The following IMMP2L variants were observed in gnomAD, a reference collection of about 807,000 sequenced individuals.
IMMP2L encodes inner mitochondrial membrane peptidase subunit 2.
IMMP2L carries 18 observed loss-of-function variants against 19.3 expected under a neutral mutation model. That is an observed-to-expected ratio of 0.93 (90% confidence interval 0.64 to 1.38). The LOEUF is 1.38. Among genes scored for constraint, IMMP2L ranks in the 40% most tolerant of loss-of-function variants. The pLI, the probability that IMMP2L is intolerant of heterozygous loss-of-function variation, is 0.00. For synonymous variants in IMMP2L, 76 were observed against 73.0 expected (o/e 1.04, Z -0.21); for missense variants, 233 against 218.2 (o/e 1.07, Z -0.43).
intron 2 of IMMP2L, among the ~76,000 whole-genome samples, chr7:111,492,118 T>C (rs1393060715): frequency 1.3e-5 from 2 of 152,216 alleles, no homozygotes; most frequent in South Asian, 4.1e-4. Flanking sequence ...CAAGAGTCTA[T>C]AAGCTCTTTT....
intron 3 of IMMP2L, among the ~76,000 whole-genome samples, chr7:110,963,921 T>A (rs560724914): frequency 6.6e-6 from 1 of 151,656 alleles, no homozygotes; most frequent in African/African-American, 2.4e-5. Context: ...AAGTCTAATT[T>A]CGAATTGTAA....
At chr7:111,115,288 G>T (rs1397861533) in intron 3 of IMMP2L, among the ~76,000 whole-genome samples, 4 of 151,446 alleles carry the variant, frequency 2.6e-5, no homozygotes, top group Non-Finnish European at 3.0e-5. Flanking sequence ...AGCATCAAGA[G>T]ACAAGTTATG....
intron 3 of IMMP2L, among the ~76,000 whole-genome samples, chr7:111,112,928 A>G (rs770851837): frequency 7.2e-5 from 11 of 152,174 alleles, no homozygotes; most frequent in Non-Finnish European, 1.2e-4. Flanking sequence ...AAACTGAAGG[A>G]GCTAATTTTA....
intron 5 of IMMP2L, among the ~76,000 whole-genome samples, chr7:110,761,973 CT>C (rs2130972137): frequency 6.6e-6 from 1 of 152,284 alleles, no homozygotes; most frequent in South Asian, 2.1e-4. Flanking sequence ...ACCTCTGCCC[CT>C]GTCCCACTCC....
chr7:110,676,679 AACAGGAGGGTTTCCATAATCAC>A (rs1792321512), intron 5 of IMMP2L, among the ~76,000 whole-genome samples: 1 of 152,226 alleles, frequency 6.6e-6, no homozygotes, highest in Non-Finnish European at 1.5e-5. Flanking sequence ...AGTATTAAGT[AACAGGAGGGTTTCCATAATCAC>A]TGATGATATA....
At chr7:111,405,378 C>T (rs1023392209) in intron 3 of IMMP2L, among the ~76,000 whole-genome samples, 1 of 151,850 alleles carries the variant, frequency 6.6e-6, no homozygotes, top group Admixed American at 6.6e-5. Context: ...TAACCCCACA[C>T]ATTATAGTTT....
At chr7:111,323,910 A>G (rs1343377459) in intron 3 of IMMP2L, among the ~76,000 whole-genome samples, 1 of 152,112 alleles carries the variant, frequency 6.6e-6, no homozygotes, top group African/African-American at 2.4e-5. Flanking sequence ...CAAACACTGC[A>G]TGTTCTCACT....
At chr7:111,045,293 T>G (rs1180267951) in intron 3 of IMMP2L, among the ~76,000 whole-genome samples, 1 of 152,224 alleles carries the variant, frequency 6.6e-6, no homozygotes, top group Non-Finnish European at 1.5e-5. Flanking sequence ...CTTTACTTCC[T>G]AAATATATCC....
chr7:110,699,182 T>G (rs2130617491), intron 5 of IMMP2L, among the ~76,000 whole-genome samples: 1 of 152,328 alleles, frequency 6.6e-6, no homozygotes, highest in South Asian at 2.1e-4. Context: ...CCCAAGCTTC[T>G]CTCAGTTGTG....
At chr7:110,751,202 T>C (rs1380187429) in intron 5 of IMMP2L, among the ~76,000 whole-genome samples, 1 of 150,906 alleles carries the variant, frequency 6.6e-6, no homozygotes, top group Non-Finnish European at 1.5e-5. Context: ...GACACAGGGA[T>C]CTTTAGGAGA....
chr7:110,848,235 A>C (rs904353093), intron 5 of IMMP2L, among the ~76,000 whole-genome samples: 3 of 152,222 alleles, frequency 2.0e-5, no homozygotes, highest in African/African-American at 7.2e-5. Context: ...ATCACCTTTA[A>C]GAATGAGCAA....
intron 3 of IMMP2L, among the ~76,000 whole-genome samples, chr7:111,137,026 A>G (rs769527616): frequency 2.0e-5 from 3 of 152,134 alleles, no homozygotes; most frequent in Non-Finnish European, 2.9e-5. Flanking sequence ...TGTTATTATC[A>G]TAACAGCACA....
At chr7:111,085,658 A>G (rs12674159) in intron 3 of IMMP2L, among the ~76,000 whole-genome samples, 1 of 152,060 alleles carries the variant, frequency 6.6e-6, no homozygotes, top group Non-Finnish European at 1.5e-5. Flanking sequence ...ATATCCTTTG[A>G]CCGCTTTTTA....
intron 4 of IMMP2L, among the ~76,000 whole-genome samples, chr7:110,920,810 G>A (rs773263147): frequency 3.9e-5 from 6 of 152,246 alleles, no homozygotes; most frequent in Non-Finnish European, 8.8e-5. Context: ...TAGATTTACA[G>A]AGGAGTTACA....
At chr7:110,770,057 A>G (rs1320347069) in intron 5 of IMMP2L, among the ~76,000 whole-genome samples, 1 of 152,192 alleles carries the variant, frequency 6.6e-6, no homozygotes, top group Non-Finnish European at 1.5e-5. Flanking sequence ...CCACATACAT[A>G]CAACAGTAAC....
rs1808390732 is a variant in IMMP2L, at chr7:110,870,207, A to G, written c.408+16386T>C. Among the ~76,000 whole-genome samples the G allele has an allele frequency of 6.6e-6, 1 of 152,100 alleles. No individual in the cohort carries two copies. The highest frequency in any genetic ancestry group is 1.9e-4 in the East Asian group (1 of 5,170). ...TTTCTGAAAAGTGCATCATGTCAGG[A>G]GCCTTCTTCCAATCTCCACTAACCA... On this transcript the variant is annotated intron_variant, in intron 5 of 5. Transcript: ENST00000405709. This position sits in a 1 kb window ranked among gnomAD's most constrained non-coding sequence, Gnocchi z 4.2.
chr7:111,154,635 T>C (rs1196613704), intron 3 of IMMP2L, among the ~76,000 whole-genome samples: 1 of 152,208 alleles, frequency 6.6e-6, no homozygotes, highest in Non-Finnish European at 1.5e-5. Context: ...CTCCAAATCT[T>C]ACTTGCTGTG....
intron 3 of IMMP2L, among the ~76,000 whole-genome samples, chr7:110,998,335 A>G (rs17528930): frequency 0.46 from 69,359 of 151,976 alleles, 17,509 homozygotes; most frequent in Non-Finnish European, 0.58. Flanking sequence ...TAGTCATTAT[A>G]CCCTACAATA....
At chr7:110,871,997 T>C (rs562741536) in intron 5 of IMMP2L, among the ~76,000 whole-genome samples, 1 of 152,146 alleles carries the variant, frequency 6.6e-6, no homozygotes, top group Non-Finnish European at 1.5e-5. Flanking sequence ...TATATACTGC[T>C]GCTAGGATCA....
Sources: allele counts gnomAD v4.1 joint callset (sites outside exome capture counted in the v4.1 genomes callset), GRCh38; gene constraint gnomAD v4.1.1; non-coding constraint Gnocchi (gnomAD v3.1); transcripts MANE v1.5; gene names NCBI Gene and HGNC (gene_info 2026-07-23, HGNC 2026-07-21).